ZNF548: variants seen among roughly 807,000 people sequenced by gnomAD.
ZNF548 encodes the protein zinc finger protein 548.
Under a neutral mutation model 10.2 loss-of-function variants are expected in ZNF548, and 10 were observed. That is an observed-to-expected ratio of 0.98 (90% CI 0.60 to 1.66). ZNF548 has a LOEUF of 1.66. Among genes scored for constraint, ZNF548 ranks in the 40% most tolerant of loss-of-function variants. ZNF548 has a pLI of 0.00. For missense variants in ZNF548, 599 were observed against 657.0 expected, an observed-to-expected ratio of 0.91 and a Z score of 0.97; for synonymous variants, 217 against 223.5, an observed-to-expected ratio of 0.97 and a Z score of 0.26.
At chr19:57,392,715 A>G (rs183817054) in intron 1 of ZNF548, 5 of 928,718 alleles carry the variant, frequency 5.4e-6, no homozygotes, top group Admixed American at 6.2e-5. Context: ...ATCCATTACC[A>G]TGCTGTTTTG....
At chr19:57,392,593 A>G (rs1409962370) in intron 1 of ZNF548, among the ~76,000 whole-genome samples, 1 of 152,192 alleles carries the variant, frequency 6.6e-6, no homozygotes, top group African/African-American at 2.4e-5. Flanking sequence ...TCAGTTGGCT[A>G]TAGATATGTG....
Position 57,397,597 on chromosome 19 carries a change from C to T in ZNF548, c.178+423C>T, listed in dbSNP as rs187127410. ...GGACTGCTGAGTTGACTATGCAGGACGCAGGACTCTTCTGTGAAGTTCTTA... is the reference window on the plus strand; with the variant it reads ...GGACTGCTGAGTTGACTATGCAGGATGCAGGACTCTTCTGTGAAGTTCTTA... On this transcript the variant is annotated intron_variant, in intron 3 of 3. Coordinates refer to ENST00000336128, the MANE Select transcript of ZNF548 (RefSeq NM_001172773.2). Among the ~76,000 whole-genome samples, 19 of 152,292 alleles carry T rather than the reference C, an allele frequency of 1.2e-4. No homozygotes were observed. The East Asian group carries it at 2.9e-3, about 23-fold the overall frequency.
intron 1 of ZNF548, among the ~76,000 whole-genome samples, chr19:57,391,744 G>A (rs966305774): frequency 4.0e-5 from 6 of 148,712 alleles, no homozygotes; most frequent in South Asian, 4.3e-4. Context: ...GCCTGCTTGC[G>A]ATTTATGTGT....
Position 57,399,689 on chromosome 19 carries a change from C to T in ZNF548, c.1438C>T (p.Gln480Ter), listed in dbSNP as rs747764841. 1.9e-6 allele frequency: 3 copies of T among 1,613,900 alleles called. No homozygotes were observed. Among genetic ancestry groups the T allele is most frequent in the East Asian group, 2.2e-5 (1 of 44,876 alleles). The change falls in exon 4 of 4, where the codon CAG becomes TAG. Residue 480 changes from glutamine (Q) to a stop codon, truncating the protein, a stop_gained. Transcript: ENST00000336128. LOFTEE classifies it low-confidence loss of function (END_TRUNC). The surrounding 1 kb of genome is among the most constrained non-coding windows in gnomAD (Gnocchi z 4.0). ...FSHKHILVEH[Q>*]KIHSGERPYE... ...CCACAAGCATATACTTGTTGAGCAC[C>T]AGAAAATCCACAGTGGAGAAAGACC...
Position 57,398,663 on chromosome 19 carries a change from A to G in ZNF548, c.412A>G (p.Ile138Val). 1 of 1,614,022 alleles carries G rather than the reference A, an allele frequency of 6.2e-7. No homozygotes were observed. The highest frequency in any genetic ancestry group is 8.5e-7 in the Non-Finnish European group (1 of 1,179,894). Reference protein sequence around the residue: ...AELFQHPKQQIGENLSRGDDW... With the variant: ...AELFQHPKQQVGENLSRGDDW... ...GCTTTTTCAGCACCCAAAGCAGCAA[A>G]TTGGAGAAAATCTTTCCAGAGGGGA... Residue 138 changes from isoleucine (I) to valine (V), a missense_variant, in exon 4 of 4, where the codon ATT (isoleucine) becomes GTT (valine). Transcript: ENST00000336128.
In ZNF548 at chr19:57,394,191, C is replaced by A. The variant is rs57057875; in HGVS notation, c.19C>A (p.Pro7Thr). The A allele has an allele frequency of 6.2e-7, 1 of 1,603,880 alleles. No individual in the cohort carries two copies. Among genetic ancestry groups the A allele is most frequent in the South Asian group, 1.1e-5 (1 of 90,510 alleles). The change falls in exon 2 of 4, where the codon CCC becomes ACC. Residue 7 changes from proline to threonine, a missense_variant. Physicochemically the swap from Pro to Thr is conservative, Grantham distance 38. Coordinates refer to ENST00000336128, the MANE Select transcript of ZNF548 (RefSeq NM_001172773.2). The stretch of plus-strand genomic sequence containing the variant: ...CACGGCCTTTCTCTTCCCTCAGGGT[C>A]CCCTGGCGATGGCAGAAATGGACCC... MNLTEG[P>T]LAMAEMDPTQ... is the part of the protein sequence containing the mutation.
chr19:57,390,018 C>T lies in ZNF548; in HGVS notation c.-82C>T. 6.5e-7 allele frequency: 1 copy of T among 1,532,384 alleles called. No homozygotes were observed. 94.9% of individuals were successfully genotyped at this position (1,532,384 alleles called of 1,614,324 possible). The stretch of plus-strand genomic sequence containing the variant: ...AGGCGGGAGTGAGTCAACTGACAAG[C>T]GCTGGGGACAGTGGCGTCCTTGTCT... On this transcript the variant is annotated 5_prime_UTR_variant, in exon 1 of 4. Coordinates refer to ENST00000336128, the MANE Select transcript of ZNF548 (RefSeq NM_001172773.2).
At chr19:57,394,007 A>G in intron 1 of ZNF548, 181 bp from the exon 2 acceptor site, 1 of 668,636 alleles carries the variant, frequency 1.5e-6, no homozygotes, top group South Asian at 1.7e-5. Flanking sequence ...GAGACACTGA[A>G]GCTCAGGTGG....
chr19:57,394,852 G>T (rs1013669378), intron 2 of ZNF548, among the ~76,000 whole-genome samples: 10 of 152,164 alleles, frequency 6.6e-5, no homozygotes, highest in African/African-American at 2.4e-4. Context: ...CAGCTGGGGA[G>T]GTGGGATAGA....
intron 1 of ZNF548, chr19:57,390,470 G>A (rs2088615672): frequency 8.2e-6 from 2 of 242,716 alleles, no homozygotes; most frequent in Non-Finnish European, 1.6e-5. Context: ...GAAGTTTCAA[G>A]TTAGGAAAAC....
At position 57,393,006 on chromosome 19, in the gene ZNF548, G is replaced by T. The variant is rs114326778; in HGVS notation, c.16-1182G>T. On this transcript the variant is annotated intron_variant, in intron 1 of 3. Transcript: ENST00000336128. ...GTGAGGTGGTTTCGATCCTGCACCT[G>T]CAGGCTTGGTTGACCCTCAGGGCCA... is the stretch of plus-strand genomic sequence containing the variant. The T allele has an allele frequency of 2.7e-4, 265 of 983,588 alleles. No individual in the cohort carries two copies. In the African/African-American group the frequency reaches 4.5e-3, roughly 17 times the overall value. 60.9% of individuals were successfully genotyped at this position (983,588 alleles called of 1,614,324 possible). A position where few individuals can be genotyped will look rare whatever the true frequency, so the allele number is the denominator to read the frequency against.
intron 1 of ZNF548, among the ~76,000 whole-genome samples, chr19:57,392,309 C>T (rs1414103752): frequency 6.6e-6 from 1 of 152,106 alleles, no homozygotes; most frequent in Non-Finnish European, 1.5e-5. Context: ...GTCCTGTCTA[C>T]TTTTGTTTAT....
chr19:57,392,865 G>T, intron 1 of ZNF548: 20 of 985,540 alleles, frequency 2.0e-5, no homozygotes, highest in Non-Finnish European at 2.4e-5. Context: ...TGGCTCCACA[G>T]ACATCATACT....
At chr19:57,394,073 T>A in intron 1 of ZNF548, 115 bp from the exon 2 acceptor site, 1 of 1,142,784 alleles carries the variant, frequency 8.8e-7, no homozygotes, top group Non-Finnish European at 1.3e-6. Context: ...AGGAACTTTA[T>A]TCAATGAATT....
Position 57,402,812 on chromosome 19 carries a change from T to C in ZNF548, c.*2923T>C. On this transcript the variant is annotated 3_prime_UTR_variant, in exon 4 of 4. Transcript: ENST00000336128. ...CTGAACATCCACACTAGGGATATTG[T>C]CTGTACTGCCAGATATATGGGAAGA... 6.6e-6 allele frequency: 1 copy of C among 152,214 alleles called. No individual in the cohort carries two copies. Among genetic ancestry groups the C allele is most frequent in the East Asian group, 1.9e-4 (1 of 5,196 alleles). 9.4% of individuals were successfully genotyped at this position (152,214 alleles called of 1,614,324 possible).
rs1405067453 is a variant in ZNF548 at position 57,401,092 on chromosome 19, A to G, written c.*1203A>G. The G allele has an allele frequency of 6.6e-6, 1 of 152,066 alleles. No homozygotes were observed. Among genetic ancestry groups the G allele is most frequent in the Non-Finnish European group, 1.5e-5 (1 of 68,032 alleles). 9.4% of individuals were successfully genotyped at this position (152,066 alleles called of 1,614,324 possible). Reference sequence around the variant, plus strand: ...GTTGTTGAGTTGTAGTTCTTTATACATTCTGGATATTAACTCCTTACCAAA... The same window carrying G: ...GTTGTTGAGTTGTAGTTCTTTATACGTTCTGGATATTAACTCCTTACCAAA... On this transcript the variant is annotated 3_prime_UTR_variant, in exon 4 of 4. Coordinates refer to ENST00000336128, the MANE Select transcript of ZNF548 (RefSeq NM_001172773.2).
chr19:57,399,049 G>A lies in ZNF548; in HGVS notation c.798G>A (p.Glu266=). The change falls in exon 4 of 4, where the codon GAG becomes GAA. Residue 266 remains glutamate (E), a synonymous_variant. Coordinates refer to ENST00000336128, the MANE Select transcript of ZNF548 (RefSeq NM_001172773.2). This position sits in a 1 kb window ranked among gnomAD's most constrained non-coding sequence, Gnocchi z 4.0. ...TTCACACTAGTGAAAGGACTTATGA[G>A]TGCAGAGAATGTGGAAAATCCTTTA... ...QTVHTSERTY[E]CRECGKSFMY... 11 of 1,614,246 alleles carry A rather than the reference G, an allele frequency of 6.8e-6. No homozygotes were observed. The highest frequency in any genetic ancestry group is 9.3e-6 in the Non-Finnish European group (11 of 1,180,038).
intron 1 of ZNF548, among the ~76,000 whole-genome samples, chr19:57,393,869 T>C (rs1307143230): frequency 1.3e-5 from 2 of 152,166 alleles, no homozygotes; most frequent in African/African-American, 2.4e-5. Flanking sequence ...TTCATTTGCA[T>C]TGAACTCATG....
intron 3 of ZNF548, 43 bp from the exon 4 acceptor site, chr19:57,398,387 A>G: frequency 1.9e-6 from 3 of 1,595,380 alleles, no homozygotes; most frequent in Non-Finnish European, 8.6e-7. Flanking sequence ...GCTTCCTCCC[A>G]CCAGAGTCAA....
Sources: gnomAD v4.1 joint callset for allele counts (sites outside exome capture counted in the v4.1 genomes callset) on GRCh38, gnomAD v4.1.1 for gene constraint, Gnocchi (gnomAD v3.1) non-coding constraint, MANE v1.5 for transcripts, NCBI Gene and HGNC (gene_info 2026-07-23, HGNC 2026-07-21) for gene names.